The following DSCAM variants were observed in gnomAD, a reference collection of about 807,000 sequenced individuals.
DSCAM encodes DS cell adhesion molecule.
A neutral mutation model predicts 217.7 loss-of-function variants in DSCAM; 47 were observed. The observed-to-expected ratio is 0.22, with a 90% CI of 0.17 to 0.28. The LOEUF (loss-of-function observed/expected upper bound fraction) is 0.28, where lower values mean the gene tolerates loss of function less well. Ranked by LOEUF, DSCAM falls within the 10% of genes least tolerant of loss-of-function variation. The pLI is 1.00. For missense variants in DSCAM, 2,080 were observed against 2,618.3 expected (o/e 0.79, Z 4.49); for synonymous variants, 1,056 against 1,015.3 (o/e 1.04, Z -0.76).
intron 10 of DSCAM, among the ~76,000 whole-genome samples, chr21:40,294,650 C>T (rs547182615): frequency 8.5e-5 from 13 of 152,156 alleles, no homozygotes; most frequent in South Asian, 2.1e-4. Flanking sequence ...ACCTGCATAA[C>T]GACAGGCATT....
chr21:40,348,042 G>T (rs780359968), intron 5 of DSCAM, 97 bp from the exon 6 acceptor site: 11 of 1,326,652 alleles, frequency 8.3e-6, no homozygotes, highest in Non-Finnish European at 1.1e-5. Context: ...AGTGCATCAC[G>T]CAATCATACT....
chr21:40,205,567 C>T (rs572251223), intron 11 of DSCAM, among the ~76,000 whole-genome samples: 207 of 147,666 alleles, frequency 1.4e-3, no homozygotes, highest in Non-Finnish European at 1.5e-3. Flanking sequence ...TGCACCATTG[C>T]ACTCCAGCTT....
In DSCAM at chr21:40,714,679, A is replaced by T. The variant is rs376800946; in HGVS notation, c.44-5908T>A. Among the ~76,000 whole-genome samples the T allele has an allele frequency of 1.8e-4, 28 of 152,352 alleles. No homozygotes were observed. The East Asian group carries it at 5.4e-3, about 29-fold the overall frequency. Reference sequence around the variant, plus strand: ...GAGGGAATTTGCCTCTAGATGAATCATGCCTGAGTCTCACTCATATCTGAT... The same window carrying T: ...GAGGGAATTTGCCTCTAGATGAATCTTGCCTGAGTCTCACTCATATCTGAT... On this transcript the variant is annotated intron_variant, in intron 1 of 32. Transcript: ENST00000400454.
chr21:40,228,533 G>T (rs1166797186), intron 11 of DSCAM, among the ~76,000 whole-genome samples: 1 of 151,942 alleles, frequency 6.6e-6, no homozygotes, highest in Non-Finnish European at 1.5e-5. Flanking sequence ...TTGCTCAAAT[G>T]ATTCCAGATT....
chr21:40,581,132 AG>A (rs1411819675), intron 3 of DSCAM, among the ~76,000 whole-genome samples: 1 of 152,260 alleles, frequency 6.6e-6, no homozygotes, highest in Non-Finnish European at 1.5e-5. Context: ...CTCTGGATAA[AG>A]CAGGTCCTTT....
At chr21:40,835,815 T>C (rs1247288531) in intron 1 of DSCAM, among the ~76,000 whole-genome samples, 2 of 152,184 alleles carry the variant, frequency 1.3e-5, no homozygotes, top group Non-Finnish European at 2.9e-5. Context: ...CTGCCACCAA[T>C]AACTGCCCTC....
chr21:40,807,258 C>G (rs2091796735), intron 1 of DSCAM, among the ~76,000 whole-genome samples: 1 of 152,202 alleles, frequency 6.6e-6, no homozygotes, highest in Non-Finnish European at 1.5e-5. Flanking sequence ...TGTCCAAATT[C>G]CATTTCTGTA....
chr21:40,094,607 C>A (rs549471721), intron 20 of DSCAM, among the ~76,000 whole-genome samples: 5 of 152,170 alleles, frequency 3.3e-5, no homozygotes, highest in Non-Finnish European at 7.3e-5. Flanking sequence ...AATGCTCACA[C>A]AGGGATGGGA....
intron 1 of DSCAM, among the ~76,000 whole-genome samples, chr21:40,737,865 G>A (rs373023785): frequency 2.0e-5 from 3 of 152,170 alleles, no homozygotes; most frequent in Admixed American, 1.3e-4. Flanking sequence ...ATATCAAGGT[G>A]AGGTGCAGCC....
At chr21:40,043,859 T>C (rs1040384544) in intron 31 of DSCAM, among the ~76,000 whole-genome samples, 2 of 152,216 alleles carry the variant, frequency 1.3e-5, no homozygotes, top group Non-Finnish European at 2.9e-5. Context: ...ACCTGCAGAA[T>C]AGATGCAGTT....
At chr21:40,704,666 C>T (rs563210298) in intron 2 of DSCAM, among the ~76,000 whole-genome samples, 17 of 152,132 alleles carry the variant, frequency 1.1e-4, no homozygotes, top group South Asian at 1.0e-3. Context: ...CAGTGAGCCA[C>T]GATCCCATCA....
intron 15 of DSCAM, 81 bp downstream of exon 15, chr21:40,178,846 G>A: frequency 6.4e-7 from 1 of 1,568,640 alleles, no homozygotes; most frequent in Non-Finnish European, 8.7e-7. Context: ...GCAAAGGTCT[G>A]CTTCTGCATT....
At chr21:40,393,637 C>G (rs772281956) in intron 3 of DSCAM, among the ~76,000 whole-genome samples, 7 of 152,074 alleles carry the variant, frequency 4.6e-5, no homozygotes, top group Non-Finnish European at 8.8e-5. Flanking sequence ...CAAGGATGAA[C>G]AGCTGAACAC....
At chr21:40,171,209 T>C (rs2090653663) in intron 15 of DSCAM, among the ~76,000 whole-genome samples, 2 of 152,208 alleles carry the variant, frequency 1.3e-5, no homozygotes, top group South Asian at 4.2e-4. Context: ...TCCCAAGTAG[T>C]TGGGATTACA....
intron 4 of DSCAM, among the ~76,000 whole-genome samples, chr21:40,357,750 T>G (rs936878151): frequency 6.6e-6 from 1 of 151,948 alleles, no homozygotes; most frequent in Admixed American, 6.6e-5. Flanking sequence ...TTAGGAGATA[T>G]ACCTAATGTT....
chr21:40,484,190 G>A (rs2076006067), intron 3 of DSCAM, among the ~76,000 whole-genome samples: 1 of 152,164 alleles, frequency 6.6e-6, no homozygotes, highest in African/African-American at 2.4e-5. Flanking sequence ...GAGGCTTCCC[G>A]AATATTTCAC....
chr21:40,092,558 A>G (rs2089625034), intron 21 of DSCAM, among the ~76,000 whole-genome samples: 1 of 152,362 alleles, frequency 6.6e-6, no homozygotes, highest in Middle Eastern at 3.4e-3. Flanking sequence ...CCACTGCACT[A>G]GCCAGGCCTT....
intron 10 of DSCAM, 87 bp downstream of exon 10, chr21:40,295,968 T>A (rs1360363086): frequency 6.7e-6 from 10 of 1,491,874 alleles, no homozygotes; most frequent in Non-Finnish European, 2.7e-6. Context: ...TGCAAGAAAC[T>A]TCTCTGGAAA....
intron 15 of DSCAM, among the ~76,000 whole-genome samples, chr21:40,167,531 G>A (rs1388878236): frequency 6.6e-6 from 1 of 152,142 alleles, no homozygotes; most frequent in Non-Finnish European, 1.5e-5. Context: ...TTCTCACCAT[G>A]TCTTTGACAA....
Sources: gnomAD v4.1 joint callset for allele counts (sites outside exome capture counted in the v4.1 genomes callset) on GRCh38, gnomAD v4.1.1 for gene constraint, MANE v1.5 for transcripts, NCBI Gene and HGNC (gene_info 2026-07-23, HGNC 2026-07-21) for gene names.